The following BMP2K variants were observed in gnomAD, a reference collection of about 807,000 sequenced individuals.
The protein encoded by BMP2K is BMP-2-inducible protein kinase.
Under a neutral mutation model 116.0 loss-of-function variants are expected in BMP2K, and 74 were observed. The ratio of observed to expected loss-of-function variants is 0.64; its 90% CI spans 0.53 to 0.77. The LOEUF (loss-of-function observed/expected upper bound fraction) is 0.77. Among genes scored for constraint, BMP2K ranks in the 30% least tolerant of loss-of-function variants. The pLI is 0.00. For missense variants in BMP2K, 1,365 were observed against 1,403.6 expected, an observed-to-expected ratio of 0.97 and a Z score of 0.44; for synonymous variants, 486 against 502.5, an observed-to-expected ratio of 0.97 and a Z score of 0.44.
rs1319638840 is a variant in BMP2K, at chr4:78,872,783, C to T, written c.1778C>T (p.Ser593Phe). 2 of 1,613,450 alleles carry T rather than the reference C, an allele frequency of 1.2e-6. No homozygotes were observed. The highest frequency in any genetic ancestry group is 1.7e-6 in the Non-Finnish European group (2 of 1,179,660). ...PAQVGTIMDS[S>F]YSANRSVADK... ...CAGGTTGGAACCATAATGGACTCCT[C>T]CTATAGTGCCAATAGGCAAGTATTT... is the stretch of plus-strand genomic sequence containing the variant. Residue 593 changes from serine to phenylalanine, a missense_variant, in exon 13 of 16, where the codon TCC (serine) becomes TTC (phenylalanine). By Grantham distance (155) the Ser-to-Phe change is radical. Around this residue, in one of 3 missense-constraint regions of BMP2K, gnomAD observed 762 missense variants for 756.7 expected, o/e 1.01. Coordinates refer to ENST00000502613, the MANE Select transcript of BMP2K (RefSeq NM_198892.2).
At chr4:78,851,995 A>C (rs1731272715) in intron 7 of BMP2K, among the ~76,000 whole-genome samples, 2 of 152,108 alleles carry the variant, frequency 1.3e-5, no homozygotes, top group Admixed American at 1.3e-4. Flanking sequence ...TAATTTATGA[A>C]GCTCGTGTAA....
At chr4:78,896,690 A>G (rs1343779519) in intron 15 of BMP2K, among the ~76,000 whole-genome samples, 1 of 152,198 alleles carries the variant, frequency 6.6e-6, no homozygotes, top group Non-Finnish European at 1.5e-5. Flanking sequence ...TTTTAATTTT[A>G]TGGGAATTTC....
At chr4:78,835,148 C>A (rs1011598853) in intron 3 of BMP2K, among the ~76,000 whole-genome samples, 1 of 152,086 alleles carries the variant, frequency 6.6e-6, no homozygotes, top group Non-Finnish European at 1.5e-5. Context: ...AATCAAATGA[C>A]CTTCAAGTTT....
chr4:78,849,540 A>G (rs1731155392), intron 6 of BMP2K, among the ~76,000 whole-genome samples: 1 of 151,652 alleles, frequency 6.6e-6, no homozygotes, highest in South Asian at 2.1e-4. Flanking sequence ...CTAGGCTATC[A>G]TCTGGACAGT....
chr4:78,782,315 T>C (rs748903040), intron 1 of BMP2K, among the ~76,000 whole-genome samples: 57 of 152,360 alleles, frequency 3.7e-4, no homozygotes, highest in Middle Eastern at 6.8e-3. Context: ...TGTTAACTAC[T>C]GTTCCTCTGT....
intron 1 of BMP2K, among the ~76,000 whole-genome samples, chr4:78,777,689 TA>T (rs1234003204): frequency 2.0e-5 from 3 of 152,098 alleles, no homozygotes; most frequent in African/African-American, 7.2e-5. Context: ...ATGGTTAAGA[TA>T]AAAAAAATCG....
chr4:78,835,690 C>T (rs1403720379), intron 3 of BMP2K, among the ~76,000 whole-genome samples: 2 of 151,182 alleles, frequency 1.3e-5, no homozygotes, highest in Admixed American at 6.6e-5. Context: ...TACCCTCCTG[C>T]CTCATCCCTC....
At chr4:78,821,310 G>T (rs2109990453) in intron 1 of BMP2K, among the ~76,000 whole-genome samples, 1 of 152,252 alleles carries the variant, frequency 6.6e-6, no homozygotes, top group East Asian at 1.9e-4. Context: ...TGACGATGCA[G>T]AAAGCCACTT....
chr4:78,842,637 C>A, intron 4 of BMP2K, 110 bp downstream of exon 4: 1 of 945,454 alleles, frequency 1.1e-6, no homozygotes, highest in South Asian at 2.7e-5. Context: ...TGGTCTCTCT[C>A]TCCCCTTCTA....
chr4:78,791,276 T>C (rs1481915877), intron 1 of BMP2K, among the ~76,000 whole-genome samples: 1 of 152,196 alleles, frequency 6.6e-6, no homozygotes, highest in Non-Finnish European at 1.5e-5. Flanking sequence ...CAAGACCCTT[T>C]GATAGGGGGT....
intron 2 of BMP2K, among the ~76,000 whole-genome samples, chr4:78,833,159 A>G (rs1275940304): frequency 6.6e-6 from 1 of 152,072 alleles, no homozygotes; most frequent in Non-Finnish European, 1.5e-5. Context: ...CTATAAATTC[A>G]TGTAATAGCT....
At chr4:78,879,190 A>C in intron 14 of BMP2K, 1 of 1,074,228 alleles carries the variant, frequency 9.3e-7, no homozygotes, top group Non-Finnish European at 1.1e-6. Flanking sequence ...TGGAAAATTG[A>C]TGTTTCAATA....
chr4:78,821,814 A>G (rs1342816197), intron 1 of BMP2K, among the ~76,000 whole-genome samples: 3 of 152,214 alleles, frequency 2.0e-5, no homozygotes, highest in Non-Finnish European at 4.4e-5. Flanking sequence ...CGAAGGATAG[A>G]TACATTGGCT....
intron 3 of BMP2K, among the ~76,000 whole-genome samples, chr4:78,841,510 A>T (rs946853128): frequency 4.6e-5 from 7 of 152,118 alleles, no homozygotes; most frequent in Non-Finnish European, 1.0e-4. Context: ...ATTATCTGTT[A>T]TCTGGATAGA....
intron 15 of BMP2K, among the ~76,000 whole-genome samples, chr4:78,891,044 A>G (rs1403226548): frequency 1.3e-5 from 2 of 152,168 alleles, no homozygotes; most frequent in African/African-American, 2.4e-5. Flanking sequence ...ACAAAAATAA[A>G]TACAAAATAA....
intron 1 of BMP2K, among the ~76,000 whole-genome samples, chr4:78,789,479 G>T (rs1206125558): frequency 6.6e-6 from 1 of 152,154 alleles, no homozygotes; most frequent in East Asian, 1.9e-4. Context: ...TGGGGACTTG[G>T]AACTGGTTTA....
At chr4:78,894,074 C>G (rs567537309) in intron 15 of BMP2K, among the ~76,000 whole-genome samples, 1 of 152,292 alleles carries the variant, frequency 6.6e-6, no homozygotes, top group East Asian at 1.9e-4. Context: ...AATCAGTAAA[C>G]TATGCTGGAA....
At chr4:78,887,053 A>G (rs1733131496) in intron 14 of BMP2K, 121 bp from the exon 15 acceptor site, 2 of 655,810 alleles carry the variant, frequency 3.0e-6, no homozygotes, top group Non-Finnish European at 5.2e-6. Flanking sequence ...TCTGAACCTA[A>G]TGTTTTGCAA....
chr4:78,885,479 C>T (rs1053828666), intron 14 of BMP2K, among the ~76,000 whole-genome samples: 6 of 152,248 alleles, frequency 3.9e-5, no homozygotes, highest in African/African-American at 1.4e-4. Flanking sequence ...CTGAAATGTA[C>T]ATTAAATGTA....
Sources: gnomAD v4.1 joint callset for allele counts (sites outside exome capture counted in the v4.1 genomes callset) on GRCh38, gnomAD v4.1.1 for gene constraint, gnomAD v4.1.1 regional missense constraint, MANE v1.5 for transcripts, NCBI Gene and HGNC (gene_info 2026-07-23, HGNC 2026-07-21) for gene names.